SLC44A5: variants seen among roughly 807,000 people sequenced by gnomAD.
SLC44A5 encodes the protein choline transporter-like protein 5.
SLC44A5 carries 57 observed loss-of-function variants against 101.8 expected under a neutral mutation model. That is an observed-to-expected ratio of 0.56 (90% CI 0.45 to 0.70). The LOEUF (loss-of-function observed/expected upper bound fraction) is 0.70. Among genes scored for constraint, SLC44A5 ranks in the 30% least tolerant of loss-of-function variants. The pLI is 0.00. For missense variants in SLC44A5, 737 were observed against 853.1 expected (o/e 0.86, Z 1.70); for synonymous variants, 281 against 290.9 (o/e 0.97, Z 0.35).
At chr1:75,574,158 T>C (rs553547977) in intron 1 of SLC44A5, among the ~76,000 whole-genome samples, 7 of 152,322 alleles carry the variant, frequency 4.6e-5, no homozygotes, top group African/African-American at 1.7e-4. Flanking sequence ...GACAAAAATA[T>C]AATGTTCCCC....
At chr1:75,679,393 A>C in the SLC44A5 span, among the ~76,000 whole-genome samples, 1 of 152,198 alleles carries the variant, frequency 6.6e-6, no homozygotes, top group African/African-American at 2.4e-5. Context: ...AGGGAAGCCC[A>C]TCAGACTAAC....
chr1:75,613,760 A>G (rs1378064446), upstream of SLC44A5, among the ~76,000 whole-genome samples: 2 of 152,244 alleles, frequency 1.3e-5, no homozygotes, highest in Non-Finnish European at 2.9e-5. Context: ...TTCTTCAATT[A>G]TTTCACTATC....
At chr1:75,483,959 C>T (rs1178442408) in intron 2 of SLC44A5, among the ~76,000 whole-genome samples, 2 of 152,218 alleles carry the variant, frequency 1.3e-5, no homozygotes, top group Non-Finnish European at 2.9e-5. Flanking sequence ...TGAGAACTCA[C>T]TCACTATCAT....
intron 6 of SLC44A5, among the ~76,000 whole-genome samples, chr1:75,273,492 A>G (rs1399550859): frequency 6.6e-6 from 1 of 152,058 alleles, no homozygotes; most frequent in Non-Finnish European, 1.5e-5. Context: ...TTCCCCATTT[A>G]GTATGATCTT....
At chr1:75,704,600 ATTTTC>A in the SLC44A5 span, among the ~76,000 whole-genome samples, 1 of 151,972 alleles carries the variant, frequency 6.6e-6, no homozygotes, top group African/African-American at 2.4e-5. Context: ...TGTGAATAAT[ATTTTC>A]TTTTCCATTA....
the SLC44A5 span, among the ~76,000 whole-genome samples, chr1:75,658,288 C>G: frequency 0.25 from 37,943 of 151,864 alleles, 5,077 homozygotes; most frequent in Non-Finnish European, 0.3. Flanking sequence ...GTTGCCCGAG[C>G]TGGTCTTGAA....
chr1:75,596,346 T>C (rs971265890), intron 1 of SLC44A5, among the ~76,000 whole-genome samples: 1 of 152,048 alleles, frequency 6.6e-6, no homozygotes, highest in African/African-American at 2.4e-5. Flanking sequence ...CCAGACAGAT[T>C]CACAGCTGAA....
intron 4 of SLC44A5, among the ~76,000 whole-genome samples, chr1:75,306,491 G>C (rs1361182735): frequency 6.6e-6 from 1 of 151,576 alleles, no homozygotes; most frequent in Non-Finnish European, 1.5e-5. Context: ...CAAATTTTTG[G>C]TCAAGCTTAA....
chr1:75,449,024 C>A (rs1452383681), intron 2 of SLC44A5, among the ~76,000 whole-genome samples: 1 of 152,136 alleles, frequency 6.6e-6, no homozygotes, highest in African/African-American at 2.4e-5. Context: ...GTGTTCATCC[C>A]TCTGACAAGA....
At chr1:75,717,886 A>T in the SLC44A5 span, among the ~76,000 whole-genome samples, 1 of 152,340 alleles carries the variant, frequency 6.6e-6, no homozygotes, top group Admixed American at 6.5e-5. Context: ...ATCGTAAAAG[A>T]GAAAGCTGAC....
chr1:75,353,998 G>A, intron 3 of SLC44A5: 1 of 356,988 alleles, frequency 2.8e-6, no homozygotes, highest in Non-Finnish European at 5.5e-6. Context: ...TTGAAGGCCT[G>A]CAAATTAACA....
chr1:75,447,528 G>A (rs1369465986), intron 2 of SLC44A5, among the ~76,000 whole-genome samples: 1 of 152,078 alleles, frequency 6.6e-6, no homozygotes, highest in Non-Finnish European at 1.5e-5. Flanking sequence ...TGCATTTGAT[G>A]GCTGTTTTAA....
the SLC44A5 span, among the ~76,000 whole-genome samples, chr1:75,661,330 A>T: frequency 6.7e-6 from 1 of 149,076 alleles, no homozygotes; most frequent in Non-Finnish European, 1.5e-5. Context: ...ACAAAAATTA[A>T]ATCAAAATGG....
At chr1:75,426,850 C>A (rs772008932) in intron 2 of SLC44A5, among the ~76,000 whole-genome samples, 1 of 152,180 alleles carries the variant, frequency 6.6e-6, no homozygotes, top group African/African-American at 2.4e-5. Flanking sequence ...ATAGCAGCAG[C>A]GGTATGGAGC....
At chr1:75,508,967 A>C (rs1342590431) in intron 2 of SLC44A5, among the ~76,000 whole-genome samples, 2 of 152,226 alleles carry the variant, frequency 1.3e-5, no homozygotes, top group Admixed American at 6.5e-5. Context: ...TTATTTTTCT[A>C]GAATTAAAAG....
At chr1:75,591,922 T>C (rs1489846402) in intron 1 of SLC44A5, among the ~76,000 whole-genome samples, 5 of 151,870 alleles carry the variant, frequency 3.3e-5, no homozygotes, top group African/African-American at 7.3e-5. Flanking sequence ...ACAGCTAGTG[T>C]CTACTGAATA....
chr1:75,714,566 T>C, the SLC44A5 span, among the ~76,000 whole-genome samples: 13 of 152,198 alleles, frequency 8.5e-5, no homozygotes, highest in Non-Finnish European at 1.6e-4. Context: ...GTCAGCAACA[T>C]CTCTGTTTGC....
intron 2 of SLC44A5, chr1:75,402,428 T>G (rs1430270660): frequency 2.5e-6 from 1 of 403,766 alleles, no homozygotes; most frequent in African/African-American, 2.0e-5. Context: ...CTCTGGTCTG[T>G]GGCTTCCAGC....
the SLC44A5 span, among the ~76,000 whole-genome samples, chr1:75,636,169 G>A: frequency 6.6e-6 from 1 of 151,980 alleles, no homozygotes; most frequent in Non-Finnish European, 1.5e-5. Flanking sequence ...AACATGCGAT[G>A]TTAGGCTTTT....
Sources: gnomAD v4.1 joint callset for allele counts (sites outside exome capture counted in the v4.1 genomes callset) on GRCh38, gnomAD v4.1.1 for gene constraint, MANE v1.5 for transcripts, NCBI Gene and HGNC (gene_info 2026-07-23, HGNC 2026-07-21) for gene names.